AKR1C1: variants seen among roughly 807,000 people sequenced by gnomAD.
AKR1C1 encodes the protein 20 alpha-hydroxysteroid dehydrogenase.
Under a neutral mutation model 40.6 loss-of-function variants are expected in AKR1C1, and 32 were observed. The ratio of observed to expected loss-of-function variants is 0.79; its 90% CI spans 0.60 to 1.06. The LOEUF (loss-of-function observed/expected upper bound fraction) is 1.06, where lower values mean the gene tolerates loss of function less well. Among genes scored for constraint, AKR1C1 ranks in the 50% least tolerant of loss-of-function variants. The pLI, the probability that AKR1C1 is intolerant of heterozygous loss-of-function variation, is 0.00. For missense variants in AKR1C1, 320 were observed against 363.5 expected (o/e 0.88, Z 0.97); for synonymous variants, 105 against 134.2 (o/e 0.78, Z 1.50).
rs1836644643 is a variant in AKR1C1, at chr10:4,983,021, C to T, written c.*5279C>T. On this transcript the variant is annotated 3_prime_UTR_variant, in exon 9 of 9. Transcript: ENST00000380872. ...TACGTCACTCCCCTGCCACCTCAAT[C>T]AGAGCTGGTGCTGGTATCCACTGCT... 2.4e-6 allele frequency: 1 copy of T among 422,594 alleles called. No individual in the cohort carries two copies. Among genetic ancestry groups the T allele is most frequent in the Non-Finnish European group, 4.8e-6 (1 of 210,188 alleles). The allele number at this position is 422,594 out of a possible 1,614,324, so 26.2% of individuals were successfully genotyped here. A position where few individuals can be genotyped will look rare whatever the true frequency, so the allele number is the denominator to read the frequency against.
At chr10:4,964,570 A>C (rs997155847) in intron 1 of AKR1C1, among the ~76,000 whole-genome samples, 23 of 152,312 alleles carry the variant, frequency 1.5e-4, no homozygotes, top group African/African-American at 5.5e-4. Context: ...TCCAGATAGG[A>C]AAACAGTTTG....
intron 7 of AKR1C1, among the ~76,000 whole-genome samples, chr10:4,973,201 T>C (rs1426788712): frequency 4.0e-5 from 6 of 151,832 alleles, no homozygotes; most frequent in African/African-American, 1.5e-4. Context: ...TGTGTCTTTA[T>C]TTTTATGTGT....
intron 7 of AKR1C1, among the ~76,000 whole-genome samples, chr10:4,975,026 C>T (rs1217772418): frequency 2.0e-5 from 3 of 151,992 alleles, no homozygotes; most frequent in Admixed American, 1.3e-4. Context: ...AATGCATGAT[C>T]ATAATATGAA....
intron 1 of AKR1C1, among the ~76,000 whole-genome samples, chr10:4,964,719 C>T (rs992344574): frequency 6.6e-6 from 1 of 152,190 alleles, no homozygotes; most frequent in African/African-American, 2.4e-5. Flanking sequence ...AACTGAACCC[C>T]ATTTTGCTAA....
chr10:4,973,040 A>G (rs1836464371), intron 7 of AKR1C1, among the ~76,000 whole-genome samples: 1 of 152,272 alleles, frequency 6.6e-6, no homozygotes, highest in African/African-American at 2.4e-5. Flanking sequence ...ATAATGAAGC[A>G]TTGATTAGAT....
intron 3 of AKR1C1, chr10:4,967,522 C>G (rs1836351715): frequency 1.0e-6 from 1 of 983,654 alleles, no homozygotes; most frequent in African/African-American, 1.7e-5. Context: ...TGCTTCCTCT[C>G]TTTTCACACT....
Position 4,968,429 on chromosome 10 carries a change from A to G in AKR1C1, c.447+43A>G, listed in dbSNP as rs1429194648. The stretch of plus-strand genomic sequence containing the variant: ...AGAGAACGGATAAGAAAGATGAGGT[A>G]GGATACATCTGTTTCCTATCTTCTT... On this transcript the variant is annotated intron_variant, in intron 4 of 8. Coordinates refer to ENST00000380872, the MANE Select transcript of AKR1C1 (RefSeq NM_001353.6). The G allele has an allele frequency of 8.4e-6, 11 of 1,308,972 alleles. No individual in the cohort carries two copies. In the African/African-American group the frequency reaches 1.2e-4, roughly 14 times the overall value. 81.1% of individuals were successfully genotyped at this position (1,308,972 alleles called of 1,614,324 possible).
rs2131642557 is a variant in AKR1C1 at position 4,968,938 on chromosome 10, C to T, written c.564C>T (p.Cys188=). The change falls in exon 5 of 9, where the codon TGC becomes TGT. Residue 188 remains cysteine, a synonymous_variant. Transcript: ENST00000380872. ...NKPGLKYKPV[C]NQVECHPYFN... ...CAGGGCTCAAGTACAAGCCTGTCTG[C>T]AACCAGGTGAGCACCCTCAGCCTCC... is the stretch of plus-strand genomic sequence containing the variant. The T allele has an allele frequency of 6.2e-7, 1 of 1,614,210 alleles. No individual in the cohort carries two copies. The highest frequency in any genetic ancestry group is 8.5e-7 in the Non-Finnish European group (1 of 1,180,026).
intron 7 of AKR1C1, among the ~76,000 whole-genome samples, chr10:4,973,680 C>T (rs1262003215): frequency 6.6e-6 from 1 of 152,102 alleles, no homozygotes; most frequent in African/African-American, 2.4e-5. Context: ...TTCATATAAC[C>T]AAGCAAGTGG....
rs1836549369 is a variant in AKR1C1, at chr10:4,977,747, G to T, written c.*5G>T. 2.5e-6 allele frequency: 4 copies of T among 1,611,762 alleles called. No homozygotes were observed. Among genetic ancestry groups the T allele is most frequent in the Non-Finnish European group, 1.7e-6 (2 of 1,178,842 alleles). On this transcript the variant is annotated 3_prime_UTR_variant, in exon 9 of 9. Transcript: ENST00000380872. ...CCATTTTCTGATGAATATTAACATGGAGGGCATTGCATGAGGTCTGCCAGA... is the reference window on the plus strand; with the variant it reads ...CCATTTTCTGATGAATATTAACATGTAGGGCATTGCATGAGGTCTGCCAGA...
Position 4,965,911 on chromosome 10 carries a change from C to G in AKR1C1, c.85-3C>G. The G allele has an allele frequency of 6.2e-7, 1 of 1,613,108 alleles. No homozygotes were observed. The highest frequency in any genetic ancestry group is 8.5e-7 in the Non-Finnish European group (1 of 1,179,612). On this transcript the variant is annotated splice_polypyrimidine_tract_variant and splice_region_variant and intron_variant, in intron 1 of 8. Transcript: ENST00000380872. ...AAAATACTACCTATGGTTACTCCCC[C>G]AGGTTCCTAAAAGTAAAGCTTTAGA...
chr10:4,979,513 G>C lies in AKR1C1; in HGVS notation c.*1771G>C, dbSNP rs1836582662. ...AATTTCACATCTCATAAACTTGACT[G>C]ATGTAAGTGTCAAGAAAAGATTGAC... On this transcript the variant is annotated 3_prime_UTR_variant, in exon 9 of 9. Coordinates refer to ENST00000380872, the MANE Select transcript of AKR1C1 (RefSeq NM_001353.6). 1 of 152,098 alleles carries C rather than the reference G, an allele frequency of 6.6e-6. No homozygotes were observed. The highest frequency in any genetic ancestry group is 2.1e-4 in the South Asian group (1 of 4,836). The allele number at this position is 152,098 out of a possible 1,614,324, so 9.4% of individuals were successfully genotyped here.
intron 7 of AKR1C1, among the ~76,000 whole-genome samples, chr10:4,973,777 T>C (rs1286363947): frequency 3.9e-5 from 6 of 152,228 alleles, no homozygotes; most frequent in Admixed American, 2.6e-4. Context: ...TTAATAGTTA[T>C]ATGTATGAAT....
At position 4,978,416 on chromosome 10, in the gene AKR1C1, T is replaced by A. The variant is rs1402543486; in HGVS notation, c.*674T>A. ...GAAAAACATATCAACACCCTTTTTT[T>A]TGAACATTATATCTTGCTCATAAAA... On this transcript the variant is annotated 3_prime_UTR_variant, in exon 9 of 9. Coordinates refer to ENST00000380872, the MANE Select transcript of AKR1C1 (RefSeq NM_001353.6). The A allele has an allele frequency of 2.0e-5, 3 of 151,302 alleles. No individual in the cohort carries two copies. Among genetic ancestry groups the A allele is most frequent in the African/African-American group, 7.3e-5 (3 of 40,900 alleles). The allele number at this position is 151,302 out of a possible 1,614,324, so 9.4% of individuals were successfully genotyped here.
At chr10:4,965,362 C>G (rs1480434544) in intron 1 of AKR1C1, 2 of 152,268 alleles carry the variant, frequency 1.3e-5, no homozygotes, top group Non-Finnish European at 2.9e-5. Flanking sequence ...AGCTCCGCCT[C>G]CTGGGTTCAC....
chr10:4,971,353 A>G (rs1588561439), intron 5 of AKR1C1, among the ~76,000 whole-genome samples: 1 of 151,922 alleles, frequency 6.6e-6, no homozygotes, highest in Non-Finnish European at 1.5e-5. Context: ...TGTGAACGTA[A>G]TTACTGTAAT....
At chr10:4,967,150 A>T in intron 3 of AKR1C1, 107 bp downstream of exon 3, 1 of 1,223,820 alleles carries the variant, frequency 8.2e-7, no homozygotes, top group Non-Finnish European at 1.2e-6. Context: ...TAGGGATTAT[A>T]ACATAGAAGA....
chr10:4,977,704 G>A lies in AKR1C1; in HGVS notation c.934G>A (p.Ala312Thr). The change falls in exon 9 of 9, where the codon GCT becomes ACT. Residue 312 changes from alanine to threonine, a missense_variant. Physicochemically the swap from Ala to Thr is moderately conservative, Grantham distance 58. Transcript: ENST00000380872. ...CATTTTTTTTTCTCTTTCCAGTTTTGCTGGCCCCCCTAATTATCCATTTTC... is the reference window on the plus strand; with the variant it reads ...CATTTTTTTTTCTCTTTCCAGTTTTACTGGCCCCCCTAATTATCCATTTTC... ...NVRYLTLDIF[A>T]GPPNYPFSDE... 1.9e-6 allele frequency: 3 copies of A among 1,609,368 alleles called. No individual in the cohort carries two copies. The highest frequency in any genetic ancestry group is 2.2e-5 in the South Asian group (2 of 90,146).
At position 4,965,769 on chromosome 10, in the gene AKR1C1, G is replaced by T. The variant is rs141929068; in HGVS notation, c.85-145G>T. On this transcript the variant is annotated intron_variant, in intron 1 of 8. Transcript: ENST00000380872. ...TTATTACTAACTGGGAAAGACCCAG[G>T]GAGACTGGGATGGGCTCATGATTCT... 1.1e-3 allele frequency: 986 copies of T among 918,770 alleles called. 8 individuals are homozygous for T. In the African/African-American group the frequency reaches 0.014, roughly 13 times the overall value. The allele number at this position is 918,770 out of a possible 1,614,324, so 56.9% of individuals were successfully genotyped here.
Sources: allele counts gnomAD v4.1 joint callset (sites outside exome capture counted in the v4.1 genomes callset), GRCh38; gene constraint gnomAD v4.1.1; transcripts MANE v1.5; gene names NCBI Gene and HGNC (gene_info 2026-07-23, HGNC 2026-07-21).